Variants in STARD13 observed in about 807,000 individuals in gnomAD.
STARD13 encodes the protein StAR related lipid transfer domain containing 13.
In STARD13, 62 loss-of-function variants were observed where a neutral mutation model predicts 106.4. The ratio of observed to expected loss-of-function variants is 0.58; its 90% confidence interval spans 0.48 to 0.72. STARD13 has a LOEUF of 0.72. STARD13 is among the 30% of genes least tolerant of loss of function. STARD13 has a pLI of 0.00. For missense variants in STARD13, 1,387 were observed against 1,424.0 expected (o/e 0.97, Z 0.42); for synonymous variants, 565 against 553.0 (o/e 1.02, Z -0.31).
intron 1 of STARD13, among the ~76,000 whole-genome samples, chr13:33,285,092 C>A (rs191563020): frequency 6.6e-6 from 1 of 152,146 alleles, no homozygotes; most frequent in African/African-American, 2.4e-5. Flanking sequence ...TAGTCCCTCG[C>A]CTCCTCCCTA....
chr13:33,665,530 T>C, the STARD13 span, among the ~76,000 whole-genome samples: 12 of 152,366 alleles, frequency 7.9e-5, no homozygotes, highest in African/African-American at 2.9e-4. Context: ...ATATTTTCTT[T>C]CACCAGCTCC....
intron 1 of STARD13, among the ~76,000 whole-genome samples, chr13:33,191,761 A>G (rs942225693): frequency 6.6e-6 from 1 of 152,204 alleles, no homozygotes; most frequent in African/African-American, 2.4e-5. Context: ...CCTGACATCA[A>G]CCTCAACTGA....
chr13:33,224,985 C>T (rs1008070429), intron 1 of STARD13, among the ~76,000 whole-genome samples: 2 of 151,940 alleles, frequency 1.3e-5, no homozygotes, highest in African/African-American at 4.8e-5. Flanking sequence ...TTCAGGATAA[C>T]AGGATTTTGT....
chr13:33,216,070 G>A (rs1313826768), intron 1 of STARD13, among the ~76,000 whole-genome samples: 2 of 152,102 alleles, frequency 1.3e-5, no homozygotes, highest in African/African-American at 4.8e-5. Context: ...ATAAATAGAT[G>A]TTGGCGTGGA....
At chr13:33,138,837 G>A (rs1255719265) in intron 4 of STARD13, 5 of 475,734 alleles carry the variant, frequency 1.1e-5, no homozygotes, top group East Asian at 6.0e-5. Flanking sequence ...AGGTCATCTC[G>A]AATCCTTAAA....
intron 1 of STARD13, among the ~76,000 whole-genome samples, chr13:33,256,389 C>A (rs937577121): frequency 6.6e-6 from 1 of 152,212 alleles, no homozygotes; most frequent in East Asian, 1.9e-4. Context: ...CACTTCCTCC[C>A]CTCTTGCAAA....
chr13:33,666,311 TGAGA>T, the STARD13 span, among the ~76,000 whole-genome samples: 1 of 152,226 alleles, frequency 6.6e-6, no homozygotes, highest in Non-Finnish European at 1.5e-5. Flanking sequence ...TGGTTTTTTT[TGAGA>T]GAGAGTCTCG....
At chr13:33,172,392 T>C (rs12874557) in intron 1 of STARD13, among the ~76,000 whole-genome samples, 37,328 of 149,816 alleles carry the variant, frequency 0.25, 5,246 homozygotes, top group South Asian at 0.39. Flanking sequence ...AGACTGACGG[T>C]GGAGAAGGCT....
intron 3 of STARD13, among the ~76,000 whole-genome samples, chr13:33,154,788 G>A (rs1454072966): frequency 6.6e-6 from 1 of 152,154 alleles, no homozygotes; most frequent in Non-Finnish European, 1.5e-5. Flanking sequence ...TTTCTAGTGA[G>A]AACTGGTCCA....
the STARD13 span, among the ~76,000 whole-genome samples, chr13:33,672,867 C>A: frequency 6.6e-6 from 1 of 152,306 alleles, no homozygotes; most frequent in South Asian, 2.1e-4. Flanking sequence ...AACAATATAA[C>A]TATATTGATT....
the STARD13 span, among the ~76,000 whole-genome samples, chr13:33,551,219 C>G: frequency 6.6e-6 from 1 of 152,122 alleles, no homozygotes; most frequent in South Asian, 2.1e-4. Flanking sequence ...GCCTGCATGA[C>G]GAAGTCTGGG....
At chr13:33,196,683 G>C (rs1205385491) in intron 1 of STARD13, among the ~76,000 whole-genome samples, 4 of 152,156 alleles carry the variant, frequency 2.6e-5, no homozygotes, top group African/African-American at 9.7e-5. Context: ...ACAGAATGGA[G>C]AGGCAACTTA....
chr13:33,350,057 C>T (rs548317523), intron 1 of STARD13, among the ~76,000 whole-genome samples: 77 of 152,296 alleles, frequency 5.1e-4, no homozygotes, highest in Middle Eastern at 3.4e-3. Flanking sequence ...AGCACCAGGC[C>T]TGGCTGTCAG....
chr13:33,196,473 G>T (rs1355604661), intron 1 of STARD13, among the ~76,000 whole-genome samples: 2 of 152,136 alleles, frequency 1.3e-5, no homozygotes, highest in Non-Finnish European at 2.9e-5. Context: ...ATGATAGGAG[G>T]CGCCCTCACT....
chr13:33,318,182 A>C (rs1893415073), intron 1 of STARD13, among the ~76,000 whole-genome samples: 1 of 152,230 alleles, frequency 6.6e-6, no homozygotes, highest in South Asian at 2.1e-4. Flanking sequence ...TTATAGATGA[A>C]ACAACAGAGA....
the STARD13 span, chr13:33,439,755 T>C: frequency 8.8e-7 from 1 of 1,139,154 alleles, no homozygotes; most frequent in Non-Finnish European, 1.2e-6. Flanking sequence ...TCTTAATATC[T>C]CAAAATTATA....
chr13:33,253,679 T>G (rs554945154), intron 1 of STARD13, among the ~76,000 whole-genome samples: 1 of 152,312 alleles, frequency 6.6e-6, no homozygotes, highest in African/African-American at 2.4e-5. Context: ...GTCTGCTTCA[T>G]GTGGCCCCCG....
At chr13:33,623,604 A>G in the STARD13 span, among the ~76,000 whole-genome samples, 4 of 152,074 alleles carry the variant, frequency 2.6e-5, no homozygotes, top group African/African-American at 9.7e-5. Flanking sequence ...CTACATCTAC[A>G]TATTTAATTT....
chr13:33,376,593 C>A, the STARD13 span, among the ~76,000 whole-genome samples: 1 of 151,812 alleles, frequency 6.6e-6, no homozygotes, highest in Non-Finnish European at 1.5e-5. Flanking sequence ...CACACTCTAT[C>A]CTGACCAACA....
Sources: gnomAD v4.1 joint callset for allele counts (sites outside exome capture counted in the v4.1 genomes callset) on GRCh38, gnomAD v4.1.1 for gene constraint, MANE v1.5 for transcripts, NCBI Gene and HGNC (gene_info 2026-07-23, HGNC 2026-07-21) for gene names.